PCDH15: variants seen among roughly 807,000 people sequenced by gnomAD.
The protein encoded by PCDH15 is protocadherin-15.
A neutral mutation model predicts 178.5 loss-of-function variants in PCDH15; 129 were observed. That is an observed-to-expected ratio of 0.72 (90% CI 0.63 to 0.84). PCDH15 has a LOEUF of 0.84. PCDH15 is among the 40% of genes least tolerant of loss of function. The pLI is 0.00. For synonymous variants in PCDH15, 800 were observed against 732.0 expected (o/e 1.09, Z -1.50); for missense variants, 2,230 against 2,099.9 (o/e 1.06, Z -1.21).
rs147590951 is a variant in PCDH15 at position 54,670,094 on chromosome 10, A to G, written c.-28-5804T>C. On this transcript the variant is annotated intron_variant, in intron 1 of 37. Transcript: ENST00000644397. ...AAATGTTAATTTGCTTTTTGGGTGCACTCTGTCTCAACATATAGATTCATC... is the reference window on the plus strand; with the variant it reads ...AAATGTTAATTTGCTTTTTGGGTGCGCTCTGTCTCAACATATAGATTCATC... Among the ~76,000 whole-genome samples the G allele has an allele frequency of 6.8e-4, 103 of 152,178 alleles. 1 individual carries two copies. In the East Asian group the frequency reaches 0.02, roughly 29 times the overall value.
intron 2 of PCDH15, among the ~76,000 whole-genome samples, chr10:55,131,211 T>C (rs1838033392): frequency 6.6e-6 from 1 of 152,164 alleles, no homozygotes. Context: ...CTTTCCCCAC[T>C]ACCCCTCAAA....
chr10:54,511,163 T>A (rs2081616754), intron 3 of PCDH15, among the ~76,000 whole-genome samples: 1 of 152,180 alleles, frequency 6.6e-6, no homozygotes, highest in South Asian at 2.1e-4. Context: ...ATAATTTTTT[T>A]CCTGTTAAAA....
intron 2 of PCDH15, among the ~76,000 whole-genome samples, chr10:55,161,647 T>G (rs1839069931): frequency 6.6e-6 from 1 of 152,142 alleles, no homozygotes; most frequent in Admixed American, 6.6e-5. Flanking sequence ...TTTAGCATTT[T>G]TCTTGATGGC....
chr10:54,921,092 C>T (rs1837474867), intron 2 of PCDH15, among the ~76,000 whole-genome samples: 2 of 152,054 alleles, frequency 1.3e-5, no homozygotes, highest in South Asian at 2.1e-4. Flanking sequence ...ACAAATGATG[C>T]CCTCTTTCAC....
rs1302219179 is a variant in PCDH15 at position 54,784,335 on chromosome 10, A to C, written c.-29+16590T>G. Among the ~76,000 whole-genome samples, 3 of 10,200 alleles carry C rather than the reference A, an allele frequency of 2.9e-4. No homozygotes were observed. The East Asian group carries it at 4.5e-3, about 15-fold the overall frequency. The allele number at this position is 10,200 out of a possible 152,430, so 6.7% of individuals were successfully genotyped here. A position where few individuals can be genotyped will look rare whatever the true frequency, so the allele number is the denominator to read the frequency against. On this transcript the variant is annotated intron_variant, in intron 1 of 37. Coordinates refer to ENST00000644397, the MANE Select transcript of PCDH15 (RefSeq NM_001384140.1). ...AATAAAAAGATCTTAGAATAATAAT[A>C]ATAAAAAAAAAAAAGCAAGAGAAAA...
intron 21 of PCDH15, among the ~76,000 whole-genome samples, chr10:53,977,261 GGAA>G (rs1300991955): frequency 6.6e-6 from 1 of 151,994 alleles, no homozygotes; most frequent in Non-Finnish European, 1.5e-5. Context: ...GGGCCACATT[GGAA>G]GAAGAATTAT....
intron 2 of PCDH15, among the ~76,000 whole-genome samples, chr10:54,981,430 T>G (rs1023002146): frequency 6.6e-6 from 1 of 152,182 alleles, no homozygotes; most frequent in Non-Finnish European, 1.5e-5. Flanking sequence ...GGAGGTATTA[T>G]TGGCTATTTT....
chr10:54,081,268 TATAA>T (rs1420039725), intron 16 of PCDH15, among the ~76,000 whole-genome samples: 1 of 151,640 alleles, frequency 6.6e-6, no homozygotes, highest in Non-Finnish European at 1.5e-5. Flanking sequence ...AATGGTTTCT[TATAA>T]ATAATCTATA....
chr10:54,873,328 G>A (rs1954073285), intron 3 of PCDH15, among the ~76,000 whole-genome samples: 1 of 151,882 alleles, frequency 6.6e-6, no homozygotes, highest in Non-Finnish European at 1.5e-5. Flanking sequence ...ATTACCTTGT[G>A]AAATATAGTT....
At chr10:54,325,184 A>G (rs1273558004) in intron 7 of PCDH15, among the ~76,000 whole-genome samples, 3 of 152,128 alleles carry the variant, frequency 2.0e-5, no homozygotes, top group Non-Finnish European at 4.4e-5. Flanking sequence ...ATTACGGATC[A>G]TAACATGTAA....
At chr10:53,887,943 C>T (rs779269511) in intron 26 of PCDH15, among the ~76,000 whole-genome samples, 4 of 151,612 alleles carry the variant, frequency 2.6e-5, no homozygotes, top group Non-Finnish European at 5.9e-5. Flanking sequence ...ACTCCTAAAA[C>T]ATAGGTAATA....
chr10:55,501,281 G>A (rs1840650212), intron 2 of PCDH15, among the ~76,000 whole-genome samples: 1 of 151,652 alleles, frequency 6.6e-6, no homozygotes, highest in South Asian at 2.1e-4. Context: ...AGAACAACTT[G>A]ATTTTGGACT....
intron 26 of PCDH15, among the ~76,000 whole-genome samples, chr10:53,896,404 T>C (rs1485881071): frequency 6.6e-6 from 1 of 152,226 alleles, no homozygotes; most frequent in Admixed American, 6.5e-5. Context: ...CTTTCTATAT[T>C]CTGGATACTG....
At chr10:53,922,415 T>G (rs1031744162) in intron 25 of PCDH15, among the ~76,000 whole-genome samples, 4 of 152,300 alleles carry the variant, frequency 2.6e-5, no homozygotes, top group Non-Finnish European at 5.9e-5. Context: ...GTAGACATAT[T>G]TACCCTAAGA....
chr10:54,551,154 C>CTAA (rs2086549356), intron 2 of PCDH15, among the ~76,000 whole-genome samples: 1 of 52,444 alleles, frequency 1.9e-5, no homozygotes, highest in East Asian at 4.1e-4. Flanking sequence ...GACTCTGTCT[C>CTAA]AAAAAAAAAA....
chr10:54,465,374 C>T (rs997246095), intron 3 of PCDH15, among the ~76,000 whole-genome samples: 2 of 151,964 alleles, frequency 1.3e-5, no homozygotes, highest in African/African-American at 2.4e-5. Flanking sequence ...TGTTTAGACC[C>T]ATTAACCTAC....
intron 2 of PCDH15, among the ~76,000 whole-genome samples, chr10:54,569,178 T>G (rs544264528): frequency 1.3e-5 from 2 of 152,052 alleles, no homozygotes; most frequent in Non-Finnish European, 2.9e-5. Flanking sequence ...TATACTTGGA[T>G]AGTTTGTTAT....
At chr10:54,895,607 G>T (rs1954531803) in intron 3 of PCDH15, among the ~76,000 whole-genome samples, 1 of 152,104 alleles carries the variant, frequency 6.6e-6, no homozygotes, top group African/African-American at 2.4e-5. Flanking sequence ...ACTATATGAT[G>T]CCAACTAATA....
chr10:54,279,515 T>A (rs2058549299), intron 8 of PCDH15, among the ~76,000 whole-genome samples: 1 of 151,622 alleles, frequency 6.6e-6, no homozygotes, highest in Non-Finnish European at 1.5e-5. Flanking sequence ...ATGGTATCAG[T>A]CTTAGATAAC....
Sources: allele counts gnomAD v4.1 joint callset (sites outside exome capture counted in the v4.1 genomes callset), GRCh38; gene constraint gnomAD v4.1.1; transcripts MANE v1.5; gene names NCBI Gene and HGNC (gene_info 2026-07-23, HGNC 2026-07-21).